CFAP96: variants seen among roughly 807,000 people sequenced by gnomAD.
CFAP96 encodes cilia and flagella associated protein 96.
chr4:185,423,654 G>A, the CFAP96 span, among the ~76,000 whole-genome samples: 1 of 152,156 alleles, frequency 6.6e-6, no homozygotes, highest in South Asian at 2.1e-4. Context: ...CTTATAAAGG[G>A]AAAAGAGCAC....
At chr4:185,449,702 C>G in the CFAP96 span, 1 of 1,190,402 alleles carries the variant, frequency 8.4e-7, no homozygotes, top group Non-Finnish European at 1.2e-6. Flanking sequence ...CTATCAAGAG[C>G]TAATTATTTG....
the CFAP96 span, among the ~76,000 whole-genome samples, chr4:185,441,008 T>C: frequency 2.6e-5 from 4 of 151,498 alleles, no homozygotes; most frequent in Non-Finnish European, 5.9e-5. Flanking sequence ...GGCAGTGCAG[T>C]GGCATGATCT....
At chr4:185,412,498 C>T in the CFAP96 span, among the ~76,000 whole-genome samples, 1 of 152,024 alleles carries the variant, frequency 6.6e-6, no homozygotes, top group African/African-American at 2.4e-5. Flanking sequence ...TAATAAATGC[C>T]ACCATACGAT....
the CFAP96 span, among the ~76,000 whole-genome samples, chr4:185,440,253 T>A: frequency 6.6e-6 from 1 of 152,158 alleles, no homozygotes; most frequent in Non-Finnish European, 1.5e-5. Context: ...CTTGTTATGC[T>A]GCATCATACT....
the CFAP96 span, among the ~76,000 whole-genome samples, chr4:185,444,662 C>T: frequency 6.6e-6 from 1 of 152,136 alleles, no homozygotes; most frequent in African/African-American, 2.4e-5. Context: ...TACTAATAGA[C>T]TCACTTTCTA....
At chr4:185,411,801 A>G in the CFAP96 span, among the ~76,000 whole-genome samples, 1 of 152,224 alleles carries the variant, frequency 6.6e-6, no homozygotes, top group Non-Finnish European at 1.5e-5. Context: ...ATAATTAACT[A>G]TGGTTAGACA....
chr4:185,436,704 C>T, the CFAP96 span, among the ~76,000 whole-genome samples: 2 of 62,890 alleles, frequency 3.2e-5, no homozygotes, highest in Non-Finnish European at 6.8e-5. Flanking sequence ...AACGAGACTC[C>T]GTCTCAAAAA....
chr4:185,425,855 G>A, the CFAP96 span: 2 of 1,604,410 alleles, frequency 1.2e-6, no homozygotes, highest in Non-Finnish European at 1.7e-6. Context: ...GTGACGAGCA[G>A]AGATACTCAC....
chr4:185,422,415 A>T, the CFAP96 span: 1 of 1,160,838 alleles, frequency 8.6e-7, no homozygotes, highest in South Asian at 1.4e-5. Context: ...TTTCATTTGC[A>T]AAGTGGAAAT....
the CFAP96 span, among the ~76,000 whole-genome samples, chr4:185,434,825 G>A: frequency 6.6e-6 from 1 of 151,998 alleles, no homozygotes; most frequent in Non-Finnish European, 1.5e-5. Context: ...TGCAATCTCC[G>A]CCTCCCAGGT....
chr4:185,432,980 T>G, the CFAP96 span, among the ~76,000 whole-genome samples: 2 of 152,024 alleles, frequency 1.3e-5, no homozygotes, highest in African/African-American at 2.4e-5. Context: ...AACCTCTGCC[T>G]CCTGGGTTCA....
the CFAP96 span, among the ~76,000 whole-genome samples, chr4:185,436,857 T>C: frequency 6.6e-6 from 1 of 152,156 alleles, no homozygotes; most frequent in South Asian, 2.1e-4. Context: ...TTTCATGTCT[T>C]GCTGTATATC....
the CFAP96 span, chr4:185,416,003 G>T: frequency 1.6e-6 from 1 of 641,922 alleles, no homozygotes; most frequent in Non-Finnish European, 2.5e-6. Context: ...TAGTGAAAAG[G>T]GGGAAAGAGT....
At chr4:185,415,031 G>GGA in the CFAP96 span, 2 of 793,780 alleles carry the variant, frequency 2.5e-6, no homozygotes, top group African/African-American at 1.8e-5. Flanking sequence ...AAAATGAATA[G>GGA]TCTAAATTCC....
At chr4:185,432,118 T>C in the CFAP96 span, 12 of 1,551,738 alleles carry the variant, frequency 7.7e-6, no homozygotes, top group Non-Finnish European at 1.0e-5. Context: ...TAAATCTGAA[T>C]CAAGTGAGGA....
chr4:185,423,729 T>G, the CFAP96 span, among the ~76,000 whole-genome samples: 1 of 152,128 alleles, frequency 6.6e-6, no homozygotes, highest in Non-Finnish European at 1.5e-5. Context: ...GTTGATGATA[T>G]ATCACAAATG....
chr4:185,441,254 G>C, the CFAP96 span, among the ~76,000 whole-genome samples: 4 of 152,116 alleles, frequency 2.6e-5, no homozygotes, highest in African/African-American at 9.7e-5. Flanking sequence ...GTTAATAAGT[G>C]AGAATAAAAA....
At chr4:185,437,546 G>T in the CFAP96 span, among the ~76,000 whole-genome samples, 3 of 152,172 alleles carry the variant, frequency 2.0e-5, no homozygotes, top group African/African-American at 7.2e-5. Flanking sequence ...GAATGTGAGA[G>T]AATAAGGACC....
the CFAP96 span, among the ~76,000 whole-genome samples, chr4:185,444,221 G>A: frequency 6.6e-6 from 1 of 152,004 alleles, no homozygotes; most frequent in Non-Finnish European, 1.5e-5. Context: ...CCAAAGTGCT[G>A]GGATTACAGG....
Sources: gnomAD v4.1 joint callset for allele counts (sites outside exome capture counted in the v4.1 genomes callset) on GRCh38, gnomAD v4.1.1 for gene constraint, MANE v1.5 for transcripts, NCBI Gene and HGNC (gene_info 2026-07-23, HGNC 2026-07-21) for gene names.